Variants in ZFHX3 observed in about 807,000 individuals in gnomAD.
ZFHX3 encodes the protein zinc finger homeobox 3.
A neutral mutation model predicts 279.1 loss-of-function variants in ZFHX3; 42 were observed. The ratio of observed to expected loss-of-function variants is 0.15; its 90% CI spans 0.12 to 0.19. The LOEUF (loss-of-function observed/expected upper bound fraction) is 0.19. Among genes scored for constraint, ZFHX3 ranks in the 10% least tolerant of loss-of-function variants. ZFHX3 has a pLI of 1.00. For missense variants in ZFHX3, 4,981 were observed against 4,754.0 expected, an observed-to-expected ratio of 1.05 and a Z score of -1.40; for synonymous variants, 2,293 against 1,957.8, an observed-to-expected ratio of 1.17 and a Z score of -4.52.
rs1375122449 is a variant in ZFHX3, at chr16:73,682,918, GAGAAAGAGAA to G, written c.-1607-2688_-1607-2679del. On this transcript the variant is annotated intron_variant, in intron 1 of 17. Coordinates refer to the ZFHX3 transcript ENST00000641206. ...AGAAAGAAAGAAAGAGAAAGAAAGA[GAGAAAGAGAA>G]AGAAAGAAAGAAAGAAAGAAAGAAA... 2.1e-3 allele frequency among the ~76,000 whole-genome samples: 82 copies of G among 39,358 alleles called. 3 individuals carry two copies. The highest frequency in any genetic ancestry group is 7.2e-3 in the East Asian group (5 of 694). 25.8% of individuals were successfully genotyped at this position (39,358 alleles called of 152,430 possible).
chr16:73,242,165 T>C (rs2013143126), intron 5 of ZFHX3, among the ~76,000 whole-genome samples: 3 of 152,168 alleles, frequency 2.0e-5, no homozygotes, highest in Non-Finnish European at 1.5e-5. Context: ...CTGGGTCAAC[T>C]TCCTTACTTT....
At chr16:73,057,736 A>T (rs1193552182) in intron 1 of ZFHX3, among the ~76,000 whole-genome samples, 1 of 151,444 alleles carries the variant, frequency 6.6e-6, no homozygotes, top group Admixed American at 6.6e-5. Flanking sequence ...CCAGTGGGGC[A>T]GGGCGGAGAG....
intron 3 of ZFHX3, among the ~76,000 whole-genome samples, chr16:73,409,915 A>G (rs2017432831): frequency 6.9e-6 from 1 of 145,604 alleles, no homozygotes. Flanking sequence ...ATGAACAACA[A>G]TTGAACTCAC....
chr16:73,109,485 A>G (rs1241356612), intron 7 of ZFHX3, among the ~76,000 whole-genome samples: 2 of 117,734 alleles, frequency 1.7e-5, no homozygotes, highest in Admixed American at 9.4e-5. Flanking sequence ...CAGCGCATGC[A>G]CTAAAATCAG....
At chr16:73,850,396 T>G (rs1288290792) in intron 1 of ZFHX3, among the ~76,000 whole-genome samples, 2 of 152,206 alleles carry the variant, frequency 1.3e-5, no homozygotes, top group African/African-American at 2.4e-5. Flanking sequence ...TTGCTGGATT[T>G]TGGTGGGAAA....
intron 3 of ZFHX3, among the ~76,000 whole-genome samples, chr16:72,906,637 A>G (rs929992192): frequency 2.6e-4 from 39 of 152,126 alleles, no homozygotes; most frequent in African/African-American, 8.4e-4. Context: ...TTTCTACAAA[A>G]AAGTACAAAA....
chr16:73,124,211 T>C (rs547377013), intron 7 of ZFHX3, among the ~76,000 whole-genome samples: 93 of 152,230 alleles, frequency 6.1e-4, no homozygotes, highest in African/African-American at 2.2e-3. Flanking sequence ...AGCAGAAATA[T>C]ATTTGTCCCA....
At chr16:73,148,262 C>G (rs1205514001) in intron 5 of ZFHX3, among the ~76,000 whole-genome samples, 2 of 151,950 alleles carry the variant, frequency 1.3e-5, no homozygotes, top group African/African-American at 4.8e-5. Context: ...CCCTGACCTA[C>G]AACAATGGAA....
At chr16:72,814,948 G>C (rs553077315) in intron 5 of ZFHX3, among the ~76,000 whole-genome samples, 4 of 152,174 alleles carry the variant, frequency 2.6e-5, no homozygotes, top group African/African-American at 9.7e-5. Flanking sequence ...TAAACACCCA[G>C]TTACAATCTC....
chr16:73,039,103 C>T (rs1055538588), intron 1 of ZFHX3, among the ~76,000 whole-genome samples: 1 of 148,792 alleles, frequency 6.7e-6, no homozygotes, highest in African/African-American at 2.5e-5. Flanking sequence ...CACATGCCAC[C>T]GAGCCTAGCT....
intron 4 of ZFHX3, among the ~76,000 whole-genome samples, chr16:73,309,696 T>C (rs571034604): frequency 6.6e-6 from 1 of 152,326 alleles, no homozygotes; most frequent in South Asian, 2.1e-4. Flanking sequence ...CTCAGGCATG[T>C]ACTCTCAGGA....
intron 2 of ZFHX3, among the ~76,000 whole-genome samples, chr16:73,486,491 T>C (rs1473920790): frequency 6.6e-6 from 1 of 152,242 alleles, no homozygotes; most frequent in Non-Finnish European, 1.5e-5. Context: ...CTGGACACCC[T>C]CCACCAGTAA....
chr16:73,022,023 A>T (rs1964317544), intron 1 of ZFHX3, among the ~76,000 whole-genome samples: 2 of 152,032 alleles, frequency 1.3e-5, no homozygotes, highest in Admixed American at 1.3e-4. Context: ...GTGTCCACCG[A>T]ACCTGCCAAC....
chr16:72,785,048 A>C lies in ZFHX3; in HGVS notation c.*2116T>G, dbSNP rs990423669. On this transcript the variant is annotated 3_prime_UTR_variant, in exon 10 of 10. Coordinates refer to ENST00000268489, the MANE Select transcript of ZFHX3 (RefSeq NM_006885.4). ...ATGGAACCTGTATTCACAGTCTTCA[A>C]AGTTCCCTTTTGAAACATAAGGAAG... 1.4e-4 allele frequency: 21 copies of C among 152,272 alleles called. No homozygotes were observed. Among genetic ancestry groups the C allele is most frequent in the Admixed American group, 1.3e-3 (19 of 15,058 alleles). The allele number at this position is 152,272 out of a possible 1,614,324, so 9.4% of individuals were successfully genotyped here.
intron 1 of ZFHX3, among the ~76,000 whole-genome samples, chr16:73,732,934 T>G (rs530188801): frequency 6.6e-6 from 1 of 152,322 alleles, no homozygotes; most frequent in East Asian, 1.9e-4. Context: ...AGTCCTGTCA[T>G]GGATCATATA....
chr16:72,941,773 C>T (rs953164441), intron 3 of ZFHX3, among the ~76,000 whole-genome samples: 1 of 152,132 alleles, frequency 6.6e-6, no homozygotes, highest in Admixed American at 6.5e-5. Context: ...AGTCACCACC[C>T]TAATGTTGCT....
intron 7 of ZFHX3, among the ~76,000 whole-genome samples, chr16:73,114,096 AT>A (rs199589126): frequency 1.3e-5 from 2 of 149,442 alleles, no homozygotes. Flanking sequence ...GTGCCCGGCC[AT>A]TTTTTTTTAA....
chr16:73,384,133 T>C, intron 3 of ZFHX3, among the ~76,000 whole-genome samples: 1 of 152,240 alleles, frequency 6.6e-6, no homozygotes, highest in East Asian at 1.9e-4. Flanking sequence ...TCAGATGCTC[T>C]TGGCCAGGAA....
intron 4 of ZFHX3, among the ~76,000 whole-genome samples, chr16:73,260,950 C>T (rs942509657): frequency 6.6e-5 from 10 of 152,130 alleles, no homozygotes; most frequent in African/African-American, 2.4e-4. Flanking sequence ...TCCCAAAGTG[C>T]TGGGATTACA....
Sources: gnomAD v4.1 joint callset for allele counts (sites outside exome capture counted in the v4.1 genomes callset) on GRCh38, gnomAD v4.1.1 for gene constraint, MANE v1.5 for transcripts, NCBI Gene and HGNC (gene_info 2026-07-23, HGNC 2026-07-21) for gene names.